The following MROH9 variants were observed in gnomAD, a reference collection of about 807,000 sequenced individuals.
MROH9 encodes the protein maestro heat-like repeat-containing protein family member 9.
Under a neutral mutation model 98.2 loss-of-function variants are expected in MROH9, and 92 were observed. The ratio of observed to expected loss-of-function variants is 0.94; its 90% CI spans 0.79 to 1.11. MROH9 has a LOEUF of 1.11. MROH9 is among the 50% of genes most tolerant of loss of function. MROH9 has a pLI of 0.00. For synonymous variants in MROH9, 397 were observed against 368.9 expected (o/e 1.08, Z -0.87); for missense variants, 1,057 against 1,014.8 (o/e 1.04, Z -0.57).
At chr1:170,972,146 G>C (rs1412373886) in intron 8 of MROH9, among the ~76,000 whole-genome samples, 1 of 152,168 alleles carries the variant, frequency 6.6e-6, no homozygotes, top group Non-Finnish European at 1.5e-5. Context: ...ATGCTGGGTG[G>C]ATCCAGGGAG....
At chr1:170,950,671 A>G (rs1050419751) in intron 3 of MROH9, among the ~76,000 whole-genome samples, 1 of 152,148 alleles carries the variant, frequency 6.6e-6, no homozygotes, top group Admixed American at 6.6e-5. Flanking sequence ...CTGCACATGC[A>G]TGTGTATTAC....
intron 16 of MROH9, among the ~76,000 whole-genome samples, chr1:171,015,762 T>G (rs748014608): frequency 6.6e-6 from 1 of 152,194 alleles, no homozygotes; most frequent in Non-Finnish European, 1.5e-5. Context: ...GTAAAGATCC[T>G]TATGATGGCT....
At chr1:171,055,449 C>A (rs1437192782) in intron 20 of MROH9, among the ~76,000 whole-genome samples, 1 of 151,718 alleles carries the variant, frequency 6.6e-6, no homozygotes, top group Non-Finnish European at 1.5e-5. Context: ...GGTGAAACCC[C>A]GTCTCTACTA....
intron 3 of MROH9, among the ~76,000 whole-genome samples, 196 bp from the exon 4 acceptor site, chr1:170,958,265 A>C (rs1402765096): frequency 6.6e-6 from 1 of 152,168 alleles, no homozygotes; most frequent in African/African-American, 2.4e-5. Flanking sequence ...AAAGACCTCC[A>C]CTTAGGCAAA....
chr1:170,983,649 T>A (rs1437950838), intron 9 of MROH9, 115 bp downstream of exon 9: 1 of 645,114 alleles, frequency 1.6e-6, no homozygotes, highest in Non-Finnish European at 2.7e-6. Flanking sequence ...TTTTTTAAAC[T>A]CAGTGTGATA....
chr1:171,046,709 A>G (rs900485148), intron 20 of MROH9, among the ~76,000 whole-genome samples: 1 of 152,158 alleles, frequency 6.6e-6, no homozygotes, highest in African/African-American at 2.4e-5. Flanking sequence ...CCACAGTCAC[A>G]GTGTTATAAT....
chr1:170,996,661 CTG>C lies in MROH9; in HGVS notation c.1475+21_1475+22del. ...TATTGCTAAGTAAGAACAGGGGTCT[CTG>C]TGTAGGATTCTTGGTCTCTATCCTA... On this transcript the variant is annotated intron_variant, in intron 14 of 21. Transcript: ENST00000367759. The C allele has an allele frequency of 6.2e-7, 1 of 1,612,500 alleles. No individual in the cohort carries two copies. Among genetic ancestry groups the C allele is most frequent in the Non-Finnish European group, 8.5e-7 (1 of 1,179,028 alleles).
At chr1:170,970,864 C>A (rs1238846458) in intron 7 of MROH9, among the ~76,000 whole-genome samples, 3 of 151,984 alleles carry the variant, frequency 2.0e-5, no homozygotes, top group Non-Finnish European at 4.4e-5. Flanking sequence ...GCCTTGGGAT[C>A]CCCCTAGAGT....
At chr1:170,967,432 C>T (rs1298324914) in intron 7 of MROH9, among the ~76,000 whole-genome samples, 2 of 152,154 alleles carry the variant, frequency 1.3e-5, no homozygotes, top group African/African-American at 4.8e-5. Flanking sequence ...AAAATCAAAA[C>T]ACACTGTTGA....
At chr1:170,964,196 G>C (rs991493736) in intron 6 of MROH9, among the ~76,000 whole-genome samples, 1 of 151,990 alleles carries the variant, frequency 6.6e-6, no homozygotes, top group Non-Finnish European at 1.5e-5. Context: ...AATGAAAACG[G>C]AGAAAGGAGC....
At chr1:171,002,613 A>G (rs1557893654) in intron 15 of MROH9, among the ~76,000 whole-genome samples, 1 of 152,214 alleles carries the variant, frequency 6.6e-6, no homozygotes, top group Non-Finnish European at 1.5e-5. Context: ...GTTTATGCCG[A>G]GAAGTCTTCT....
intron 15 of MROH9, among the ~76,000 whole-genome samples, chr1:171,012,678 AT>A (rs1208197394): frequency 2.6e-5 from 4 of 151,060 alleles, no homozygotes; most frequent in South Asian, 2.1e-4. Flanking sequence ...AATTTTTTGT[AT>A]TTTTTAGTAG....
rs1553210643 is a variant in MROH9, at chr1:170,957,806, T to TTTG, written c.73-653_73-652insGTT. ...GCTGGCATTTTTTTGTTTTTTTTTTTTTTGTTTGTTTGTTTTTTTTGAGAC... is the reference window on the plus strand; with the variant it reads ...GCTGGCATTTTTTTGTTTTTTTTTTTTTGTTTGTTTGTTTGTTTTTTTTGAGAC... On this transcript the variant is annotated intron_variant, in intron 3 of 21. Coordinates refer to ENST00000367759, the MANE Select transcript of MROH9 (RefSeq NM_001163629.2). Among the ~76,000 whole-genome samples the TTTG allele has an allele frequency of 5.7e-3, 841 of 147,512 alleles. 5 individuals are homozygous for TTTG. Among genetic ancestry groups the TTTG allele is most frequent in the African/African-American group, 0.019 (777 of 40,182 alleles).
rs536859215 is a variant in MROH9 at position 170,971,938 on chromosome 1, T to C, written c.616+55T>C. On this transcript the variant is annotated intron_variant, in intron 8 of 21. Coordinates refer to ENST00000367759, the MANE Select transcript of MROH9 (RefSeq NM_001163629.2). ...ATTACTAAGAATATGTCCCTCGTTA[T>C]TCAACTTATAGGTCCTGGGAAGGCT... The C allele has an allele frequency of 1.1e-4, 177 of 1,585,264 alleles. No homozygotes were observed. In the South Asian group the frequency reaches 1.9e-3, roughly 17 times the overall value.
intron 15 of MROH9, among the ~76,000 whole-genome samples, chr1:171,003,603 G>T (rs1253726899): frequency 6.6e-6 from 1 of 152,154 alleles, no homozygotes; most frequent in African/African-American, 2.4e-5. Flanking sequence ...ACCATTTTTG[G>T]GTCTCTCAGA....
At chr1:170,961,834 C>T (rs1650026738) in intron 5 of MROH9, 56 bp from the exon 6 acceptor site, 2 of 837,068 alleles carry the variant, frequency 2.4e-6, no homozygotes, top group Admixed American at 3.5e-5. Context: ...AAACTGTAGA[C>T]ATTAGGTAAA....
chr1:171,026,770 GAA>G (rs1652726491), intron 20 of MROH9, among the ~76,000 whole-genome samples: 1 of 152,130 alleles, frequency 6.6e-6, no homozygotes, highest in African/African-American at 2.4e-5. Flanking sequence ...ACAAACCTTA[GAA>G]AATATGTCGA....
intron 20 of MROH9, among the ~76,000 whole-genome samples, chr1:171,028,510 G>T (rs912638506): frequency 6.6e-6 from 1 of 152,008 alleles, no homozygotes; most frequent in Non-Finnish European, 1.5e-5. Context: ...GGCTATATGG[G>T]GTCTTCTTTC....
At chr1:171,002,807 AG>A (rs1429467625) in intron 15 of MROH9, among the ~76,000 whole-genome samples, 1 of 152,272 alleles carries the variant, frequency 6.6e-6, no homozygotes, top group East Asian at 1.9e-4. Flanking sequence ...ATCTCTAGCA[AG>A]GCTGGGGAAG....
Sources: gnomAD v4.1 joint callset for allele counts (sites outside exome capture counted in the v4.1 genomes callset) on GRCh38, gnomAD v4.1.1 for gene constraint, MANE v1.5 for transcripts, NCBI Gene and HGNC (gene_info 2026-07-23, HGNC 2026-07-21) for gene names.